The following KIAA0825 variants were observed in gnomAD, a reference collection of about 807,000 sequenced individuals.
KIAA0825 encodes uncharacterized protein KIAA0825.
A neutral mutation model predicts 147.6 loss-of-function variants in KIAA0825; 119 were observed. The observed-to-expected ratio is 0.81, with a 90% CI of 0.69 to 0.94. The LOEUF is 0.94. Ranked by LOEUF, KIAA0825 falls within the 40% of genes least tolerant of loss-of-function variation. The pLI, the probability that KIAA0825 is intolerant of heterozygous loss-of-function variation, is 0.00. For synonymous variants in KIAA0825, 470 were observed against 518.1 expected (o/e 0.91, Z 1.26); for missense variants, 1,381 against 1,472.7 (o/e 0.94, Z 1.02).
At chr5:94,452,844 G>T in intron 13 of KIAA0825, 115 bp downstream of exon 13, 1 of 543,744 alleles carries the variant, frequency 1.8e-6, no homozygotes, top group Non-Finnish European at 3.1e-6. Flanking sequence ...ATTGTGAAAA[G>T]TCGTAAGTTC....
At chr5:94,300,155 A>G (rs920949999) in intron 20 of KIAA0825, among the ~76,000 whole-genome samples, 1 of 152,034 alleles carries the variant, frequency 6.6e-6, no homozygotes, top group Admixed American at 6.6e-5. Flanking sequence ...AATACTTAAC[A>G]TATATATTTA....
chr5:94,612,162 C>T (rs1026699501), intron 1 of KIAA0825, among the ~76,000 whole-genome samples: 1 of 152,222 alleles, frequency 6.6e-6, no homozygotes, highest in Non-Finnish European at 1.5e-5. Context: ...AGTGTAAGAA[C>T]ATATGACCCA....
At chr5:94,508,793 C>A (rs1007616670) in intron 5 of KIAA0825, among the ~76,000 whole-genome samples, 3 of 152,212 alleles carry the variant, frequency 2.0e-5, no homozygotes, top group Non-Finnish European at 4.4e-5. Context: ...TGGCACTAAG[C>A]TATTTCCAGT....
intron 20 of KIAA0825, among the ~76,000 whole-genome samples, chr5:94,284,389 C>A (rs1777580631): frequency 6.6e-6 from 1 of 152,130 alleles, no homozygotes; most frequent in Admixed American, 6.6e-5. Context: ...CTTAATTATA[C>A]CTTAAGACAC....
At chr5:94,418,562 G>C (rs1753775733) in intron 14 of KIAA0825, among the ~76,000 whole-genome samples, 1 of 147,120 alleles carries the variant, frequency 6.8e-6, no homozygotes, top group East Asian at 2.1e-4. Flanking sequence ...TGGCCAATCA[G>C]ACCATAACAT....
chr5:94,170,650 G>A (rs1043836882), intron 20 of KIAA0825, among the ~76,000 whole-genome samples: 2 of 152,116 alleles, frequency 1.3e-5, no homozygotes, highest in African/African-American at 2.4e-5. Flanking sequence ...TCCCAAGATA[G>A]GCCAAAAGGA....
In KIAA0825 at chr5:94,230,501, T is replaced by C. The variant is rs186909546; in HGVS notation, c.3711-76377A>G. Among the ~76,000 whole-genome samples the C allele has an allele frequency of 3.9e-3, 593 of 152,268 alleles. 6 individuals are homozygous for C. Among genetic ancestry groups the C allele is most frequent in the Non-Finnish European group, 5.7e-3 (387 of 68,008 alleles). On this transcript the variant is annotated intron_variant, in intron 20 of 20. Transcript: ENST00000682413. ...TTTTCCAGATACTTAGGTTATAACC[T>C]CCACTCTTGCACTTGTTTTATGTTT...
At chr5:94,391,941 ACTC>A (rs1484152708) in intron 17 of KIAA0825, among the ~76,000 whole-genome samples, 4 of 152,186 alleles carry the variant, frequency 2.6e-5, no homozygotes, top group Non-Finnish European at 5.9e-5. Context: ...CTGCATTTAT[ACTC>A]CTATCTATAA....
At chr5:94,529,022 A>G (rs936571149) in intron 3 of KIAA0825, among the ~76,000 whole-genome samples, 2 of 151,740 alleles carry the variant, frequency 1.3e-5, no homozygotes, top group African/African-American at 2.4e-5. Context: ...CCTAAGAGAT[A>G]TGGAAACAGA....
In KIAA0825 at chr5:94,262,541, T is replaced by C. The variant is rs146413747; in HGVS notation, c.3711-108417A>G. ...AATGGAAGATAAATATTCATCAGTT[T>C]GGTTTCAGTTAAATAATTTATGGGA... On this transcript the variant is annotated intron_variant, in intron 20 of 20. Transcript: ENST00000682413. Among the ~76,000 whole-genome samples the C allele has an allele frequency of 2.6e-4, 39 of 152,310 alleles. No individual in the cohort carries two copies. In the East Asian group the frequency reaches 7.1e-3, roughly 28 times the overall value.
intron 1 of KIAA0825, among the ~76,000 whole-genome samples, chr5:94,603,766 T>C (rs1052263604): frequency 1.3e-5 from 2 of 152,094 alleles, no homozygotes; most frequent in Non-Finnish European, 2.9e-5. Flanking sequence ...AAAAAGCAGG[T>C]GTTGCAATCC....
intron 20 of KIAA0825, among the ~76,000 whole-genome samples, chr5:94,353,027 A>G (rs1392668215): frequency 6.6e-6 from 1 of 152,190 alleles, no homozygotes; most frequent in Admixed American, 6.5e-5. Context: ...ACTGCTAAAG[A>G]ACTTACTCAT....
rs576661411 is a variant in KIAA0825, at chr5:94,151,189, G to A, written c.*2818C>T. On this transcript the variant is annotated 3_prime_UTR_variant, in exon 21 of 21. Transcript: ENST00000682413. ...TCCCAGCACTTTGGGAGGCCGAGGC[G>A]GGTGGATCATGAGGTCAGGAGATCG... Among the ~76,000 whole-genome samples, 30 of 150,600 alleles carry A rather than the reference G, an allele frequency of 2.0e-4. No individual in the cohort carries two copies. In the East Asian group the frequency reaches 3.9e-3, roughly 20 times the overall value.
chr5:94,468,211 C>A (rs766764516), intron 10 of KIAA0825, among the ~76,000 whole-genome samples: 3 of 152,208 alleles, frequency 2.0e-5, no homozygotes, highest in African/African-American at 7.2e-5. Flanking sequence ...GTTCTCAATG[C>A]ATCCACTTAT....
At chr5:94,281,583 G>T (rs1777466913) in intron 20 of KIAA0825, among the ~76,000 whole-genome samples, 1 of 152,072 alleles carries the variant, frequency 6.6e-6, no homozygotes. Flanking sequence ...CTCAACCTCA[G>T]CACTATTGAA....
intron 7 of KIAA0825, among the ~76,000 whole-genome samples, chr5:94,475,691 C>G (rs1030126855): frequency 5.9e-5 from 9 of 152,034 alleles, no homozygotes; most frequent in Admixed American, 4.6e-4. Context: ...CGCCTGTAAT[C>G]CCAGCTACTT....
intron 12 of KIAA0825, among the ~76,000 whole-genome samples, chr5:94,458,899 C>T (rs944324077): frequency 2.0e-5 from 3 of 152,084 alleles, no homozygotes; most frequent in Admixed American, 6.6e-5. Flanking sequence ...ATTTATGGAG[C>T]TGCATAACCT....
At chr5:94,269,304 C>T (rs2150140660) in intron 20 of KIAA0825, among the ~76,000 whole-genome samples, 1 of 152,082 alleles carries the variant, frequency 6.6e-6, no homozygotes, top group African/African-American at 2.4e-5. Flanking sequence ...GAAATTAAAA[C>T]ATACTACCTT....
chr5:94,588,430 T>G (rs535552303), intron 1 of KIAA0825, among the ~76,000 whole-genome samples: 3 of 152,080 alleles, frequency 2.0e-5, no homozygotes, highest in Non-Finnish European at 4.4e-5. Context: ...AACAGACATA[T>G]GAAAAAATGC....
Sources: gnomAD v4.1 joint callset for allele counts (sites outside exome capture counted in the v4.1 genomes callset) on GRCh38, gnomAD v4.1.1 for gene constraint, MANE v1.5 for transcripts, NCBI Gene and HGNC (gene_info 2026-07-23, HGNC 2026-07-21) for gene names.